The following SOS2 variants were observed in gnomAD, a reference collection of about 807,000 sequenced individuals.
SOS2 encodes the protein son of sevenless homolog 2.
In SOS2, 65 loss-of-function variants were observed where a neutral mutation model predicts 148.2. That is an observed-to-expected ratio of 0.44 (90% CI 0.36 to 0.54). The LOEUF (loss-of-function observed/expected upper bound fraction) is 0.54, where lower values mean the gene tolerates loss of function less well. SOS2 is among the 20% of genes least tolerant of loss of function. SOS2 has a pLI of 0.00. For missense variants in SOS2, 1,341 were observed against 1,590.2 expected, an observed-to-expected ratio of 0.84 and a Z score of 2.67; for synonymous variants, 539 against 537.1, an observed-to-expected ratio of 1.00 and a Z score of -0.05.
chr14:50,204,803 T>C (rs1886607696), intron 1 of SOS2, among the ~76,000 whole-genome samples: 1 of 152,090 alleles, frequency 6.6e-6, no homozygotes, highest in African/African-American at 2.4e-5. Context: ...CTTTACAAAT[T>C]ATAGAGGTGC....
chr14:50,179,179 G>C (rs1885641297), intron 7 of SOS2, among the ~76,000 whole-genome samples: 1 of 152,100 alleles, frequency 6.6e-6, no homozygotes, highest in Non-Finnish European at 1.5e-5. Flanking sequence ...ATACATGGTA[G>C]TGTTTTCATA....
chr14:50,195,490 A>G (rs143161702), intron 4 of SOS2, among the ~76,000 whole-genome samples: 8 of 152,362 alleles, frequency 5.3e-5, no homozygotes, highest in African/African-American at 1.9e-4. Flanking sequence ...GGCCTGGTGC[A>G]GTGGCCAACA....
intron 8 of SOS2, among the ~76,000 whole-genome samples, chr14:50,171,866 T>G (rs1165346644): frequency 2.0e-5 from 3 of 152,186 alleles, no homozygotes; most frequent in Non-Finnish European, 4.4e-5. Context: ...CACAATTTAT[T>G]TACCCTTTTC....
chr14:50,130,108 T>C (rs1443988697), intron 20 of SOS2, 106 bp from the exon 21 acceptor site: 2 of 684,706 alleles, frequency 2.9e-6, no homozygotes, highest in Non-Finnish European at 4.9e-6. Flanking sequence ...AATTTTATCA[T>C]CATCTTTTGC....
At chr14:50,144,308 A>G (rs908303637) in intron 16 of SOS2, among the ~76,000 whole-genome samples, 2 of 152,112 alleles carry the variant, frequency 1.3e-5, no homozygotes, top group African/African-American at 4.8e-5. Context: ...AAAGGGCCAT[A>G]AAAATCTATG....
chr14:50,218,529 A>C (rs920109622), intron 1 of SOS2, among the ~76,000 whole-genome samples: 1 of 152,128 alleles, frequency 6.6e-6, no homozygotes, highest in Non-Finnish European at 1.5e-5. Flanking sequence ...TCCCCCCAAA[A>C]AAAAACAAAA....
At chr14:50,137,649 T>A (rs1219290453) in intron 18 of SOS2, among the ~76,000 whole-genome samples, 2 of 151,732 alleles carry the variant, frequency 1.3e-5, no homozygotes, top group Admixed American at 6.6e-5. Context: ...AGATCTAAAA[T>A]TTTTTTTTAA....
intron 19 of SOS2, among the ~76,000 whole-genome samples, chr14:50,131,039 A>G (rs1434119679): frequency 6.6e-6 from 1 of 152,210 alleles, no homozygotes; most frequent in Non-Finnish European, 1.5e-5. Context: ...TTTACTCCTA[A>G]AACATATGAA....
At chr14:50,194,553 A>G (rs1365933949) in intron 4 of SOS2, among the ~76,000 whole-genome samples, 3 of 146,322 alleles carry the variant, frequency 2.1e-5, no homozygotes, top group African/African-American at 7.6e-5. Flanking sequence ...AGGTGGATAG[A>G]TCACCTGAGG....
At chr14:50,179,653 C>T (rs1020975518) in intron 7 of SOS2, among the ~76,000 whole-genome samples, 4 of 152,154 alleles carry the variant, frequency 2.6e-5, no homozygotes, top group African/African-American at 9.7e-5. Flanking sequence ...GCAAGAGCCA[C>T]CACGTCTGGC....
chr14:50,224,292 G>GC, intron 1 of SOS2, among the ~76,000 whole-genome samples: 1 of 14,796 alleles, frequency 6.8e-5, no homozygotes. Context: ...CTCCGTCTCA[G>GC]GAAAAAAAAA....
rs1438406299 is a variant in SOS2 at position 50,178,819 on chromosome 14, C to T, written c.969+1753G>A. ...CACGATCTCGGCTCACTGCAACCTCCGCCTCCCGGGTTCAAGCAATTCTCC... is the reference window on the plus strand; with the variant it reads ...CACGATCTCGGCTCACTGCAACCTCTGCCTCCCGGGTTCAAGCAATTCTCC... On this transcript the variant is annotated intron_variant, in intron 7 of 22. Coordinates refer to ENST00000216373, the MANE Select transcript of SOS2 (RefSeq NM_006939.4). 1.7e-4 allele frequency among the ~76,000 whole-genome samples: 26 copies of T among 151,566 alleles called. No individual in the cohort carries two copies. The South Asian group carries it at 4.8e-3, about 28-fold the overall frequency.
At chr14:50,158,754 C>T in intron 10 of SOS2, 108 bp from the exon 11 acceptor site, 1 of 690,664 alleles carries the variant, frequency 1.4e-6, no homozygotes, top group Non-Finnish European at 2.5e-6. Flanking sequence ...TACTTTGGCT[C>T]CTCAGATTGT....
chr14:50,161,645 T>C (rs778819330), intron 8 of SOS2, 36 bp from the exon 9 acceptor site: 3 of 1,590,492 alleles, frequency 1.9e-6, no homozygotes, highest in Non-Finnish European at 2.6e-6. Context: ...AAAACTGCAT[T>C]GTTTGATTCT....
intron 1 of SOS2, among the ~76,000 whole-genome samples, chr14:50,230,206 A>T (rs947836364): frequency 6.6e-6 from 1 of 152,198 alleles, no homozygotes; most frequent in African/African-American, 2.4e-5. Flanking sequence ...ATGTCTGAGG[A>T]TATATTTTCC....
At chr14:50,198,669 G>C (rs1285165180) in intron 4 of SOS2, among the ~76,000 whole-genome samples, 1 of 149,354 alleles carries the variant, frequency 6.7e-6, no homozygotes, top group Non-Finnish European at 1.5e-5. Flanking sequence ...TGTTCACCCT[G>C]AGAGAGTTTC....
chr14:50,231,221 T>C lies in SOS2; in HGVS notation c.63A>G (p.Gly21=), dbSNP rs761849560. 2.5e-5 allele frequency: 38 copies of C among 1,501,888 alleles called. No individual in the cohort carries two copies. The highest frequency in any genetic ancestry group is 1.8e-4 in the Middle Eastern group (1 of 5,624). 93.0% of individuals were successfully genotyped at this position (1,501,888 alleles called of 1,614,324 possible). A position where few individuals can be genotyped will look rare whatever the true frequency, so the allele number is the denominator to read the frequency against. ...CCTTCCGCAGGGCCGAGACCAACAG[T>C]CCCCGCCATTTCGGACTGTTCTCCT... ...FSEENSPKWR[G]LLVSALRKVQ... The change falls in exon 1 of 23, where the codon GGA becomes GGG. Residue 21 remains glycine, a synonymous_variant. Transcript: ENST00000216373.
At chr14:50,201,226 A>G (rs1886475713) in intron 2 of SOS2, 142 bp from the exon 3 acceptor site, 2 of 811,140 alleles carry the variant, frequency 2.5e-6, no homozygotes, top group South Asian at 2.0e-5. Context: ...TAATAAATAA[A>G]TTTTTTGGCT....
intron 21 of SOS2, among the ~76,000 whole-genome samples, chr14:50,128,223 A>G (rs1464831002): frequency 6.6e-6 from 1 of 152,192 alleles, no homozygotes; most frequent in Non-Finnish European, 1.5e-5. Flanking sequence ...CAGCAGGGTC[A>G]ATACCTGAAT....
Sources: allele counts gnomAD v4.1 joint callset (sites outside exome capture counted in the v4.1 genomes callset), GRCh38; gene constraint gnomAD v4.1.1; transcripts MANE v1.5; gene names NCBI Gene and HGNC (gene_info 2026-07-23, HGNC 2026-07-21).